ASAP2: variants seen among roughly 807,000 people sequenced by gnomAD.
ASAP2 encodes ArfGAP with SH3 domain, ankyrin repeat and PH domain 2, also known as arf-GAP with SH3 domain, ANK repeat and PH domain-containing protein 2.
ASAP2 carries 45 observed loss-of-function variants against 131.4 expected under a neutral mutation model. The observed-to-expected ratio is 0.34, with a 90% confidence interval of 0.27 to 0.44. The LOEUF is 0.44. ASAP2 is among the 20% of genes least tolerant of loss of function. ASAP2 has a pLI of 1.00. For synonymous variants in ASAP2, 510 were observed against 503.0 expected, an observed-to-expected ratio of 1.01 and a Z score of -0.19; for missense variants, 1,011 against 1,297.0, an observed-to-expected ratio of 0.78 and a Z score of 3.39.
chr2:9,270,186 G>T (rs1200450477), intron 1 of ASAP2, among the ~76,000 whole-genome samples: 1 of 152,208 alleles, frequency 6.6e-6, no homozygotes, highest in Non-Finnish European at 1.5e-5. Context: ...CAGCTGCAGT[G>T]CAGGCCCTGC....
rs193098732 is a variant in ASAP2 at position 9,279,504 on chromosome 2, G to T, written c.199+115G>T. On this transcript the variant is annotated intron_variant, in intron 2 of 27. Transcript: ENST00000281419. ...GAGCCAGCTAGACTCCTTTATCGGG[G>T]CATGCAGATCACAGAGGTGAGCTGG... 8.6e-5 allele frequency: 80 copies of T among 934,310 alleles called. No homozygotes were observed. The East Asian group carries it at 1.9e-3, about 22-fold the overall frequency. 57.9% of individuals were successfully genotyped at this position (934,310 alleles called of 1,614,324 possible).
chr2:9,226,803 T>TCATC (rs1281096673), intron 1 of ASAP2, among the ~76,000 whole-genome samples: 18 of 152,124 alleles, frequency 1.2e-4, no homozygotes, highest in Admixed American at 1.2e-3. Context: ...TGGCCTAACA[T>TCATC]CATCGGTGTG....
intron 1 of ASAP2, among the ~76,000 whole-genome samples, chr2:9,247,432 G>A (rs868378519): frequency 6.6e-6 from 1 of 152,182 alleles, no homozygotes; most frequent in Non-Finnish European, 1.5e-5. Flanking sequence ...ATAGGATATT[G>A]CCCTCATGGA....
chr2:9,361,421 T>C (rs893870656), intron 15 of ASAP2, among the ~76,000 whole-genome samples: 54 of 152,222 alleles, frequency 3.5e-4, no homozygotes, highest in African/African-American at 1.3e-3. Context: ...GTGTCGTGGC[T>C]CTAAACCTTA....
At chr2:9,276,860 G>A (rs979269955) in intron 1 of ASAP2, among the ~76,000 whole-genome samples, 28 of 152,078 alleles carry the variant, frequency 1.8e-4, no homozygotes, top group African/African-American at 6.5e-4. Context: ...TTATTCGTGA[G>A]GTGTTTTCTC....
intron 1 of ASAP2, among the ~76,000 whole-genome samples, chr2:9,247,092 C>T (rs1177737071): frequency 1.3e-5 from 2 of 152,176 alleles, no homozygotes; most frequent in Non-Finnish European, 2.9e-5. Flanking sequence ...CTGCCTTAGC[C>T]TCTAAAATGC....
In ASAP2 at chr2:9,392,374, C is replaced by T. The variant is rs1225334979; in HGVS notation, c.2519-1108C>T. On this transcript the variant is annotated intron_variant, in intron 23 of 27. Transcript: ENST00000281419. This position sits in a 1 kb window ranked among gnomAD's most constrained non-coding sequence, Gnocchi z 4.0. ...TCTCTGGGCTTCATTGCTTCCAGAG[C>T]ATGAGAATTCTAGAGCCGAGGTGCT... is the stretch of plus-strand genomic sequence containing the variant. Among the ~76,000 whole-genome samples the T allele has an allele frequency of 2.6e-5, 4 of 152,188 alleles. No individual in the cohort carries two copies. The East Asian group carries it at 7.7e-4, about 29-fold the overall frequency.
intron 3 of ASAP2, among the ~76,000 whole-genome samples, chr2:9,305,013 A>C (rs1048472918): frequency 4.9e-5 from 7 of 141,902 alleles, no homozygotes; most frequent in Non-Finnish European, 9.0e-5. Flanking sequence ...TGGGGTAAAG[A>C]TATTGGTGGA....
intron 5 of ASAP2, 36 bp from the exon 6 acceptor site, chr2:9,323,085 A>G (rs748420875): frequency 3.1e-6 from 5 of 1,613,184 alleles, no homozygotes; most frequent in African/African-American, 1.3e-5. Flanking sequence ...TTCTGTGCCA[A>G]CAGGCATCTT....
At chr2:9,397,739 TATATATATATA>T (rs1471386480) in intron 24 of ASAP2, among the ~76,000 whole-genome samples, 1 of 91,752 alleles carries the variant, frequency 1.1e-5, no homozygotes, top group African/African-American at 8.2e-5. Flanking sequence ...TATATATATA[TATATATATATA>T]TTTTTTTTTT....
chr2:9,387,223 A>AAAAAAAAAAAAC (rs1488603753), intron 21 of ASAP2, among the ~76,000 whole-genome samples: 2 of 151,584 alleles, frequency 1.3e-5, no homozygotes, highest in African/African-American at 4.9e-5. Flanking sequence ...CAAAAAAAAA[A>AAAAAAAAAAAAC]AAAACCATAT....
At chr2:9,304,264 G>C (rs1268179377) in intron 3 of ASAP2, among the ~76,000 whole-genome samples, 1 of 152,160 alleles carries the variant, frequency 6.6e-6, no homozygotes, top group African/African-American at 2.4e-5. Context: ...GTTTCTGTTT[G>C]AAAGTATTAA....
At chr2:9,237,802 A>G (rs1319782009) in intron 1 of ASAP2, among the ~76,000 whole-genome samples, 1 of 152,184 alleles carries the variant, frequency 6.6e-6, no homozygotes, top group Admixed American at 6.5e-5. Context: ...TGTATACAGT[A>G]GGTGCCCATG....
chr2:9,306,014 G>A (rs1449891836), intron 3 of ASAP2, among the ~76,000 whole-genome samples: 1 of 149,776 alleles, frequency 6.7e-6, no homozygotes, highest in Non-Finnish European at 1.5e-5. Context: ...GTAGTAGTGG[G>A]GTGGTAGATA....
At chr2:9,267,149 T>C (rs1022925808) in intron 1 of ASAP2, among the ~76,000 whole-genome samples, 1 of 152,164 alleles carries the variant, frequency 6.6e-6, no homozygotes, top group African/African-American at 2.4e-5. Context: ...TTTTAAAAAA[T>C]TCAACTTTTA....
At chr2:9,390,146 G>A (rs1225229921) in intron 22 of ASAP2, among the ~76,000 whole-genome samples, 1 of 152,112 alleles carries the variant, frequency 6.6e-6, no homozygotes. Context: ...TGCCGTTCCT[G>A]TCCCTAGCAT....
At chr2:9,278,078 A>G (rs1331295608) in intron 1 of ASAP2, among the ~76,000 whole-genome samples, 3 of 152,176 alleles carry the variant, frequency 2.0e-5, no homozygotes, top group Non-Finnish European at 2.9e-5. Flanking sequence ...TGGGGTAATA[A>G]TGGACACTCA....
At chr2:9,315,985 TAC>T (rs1247342365) in intron 3 of ASAP2, among the ~76,000 whole-genome samples, 1 of 152,208 alleles carries the variant, frequency 6.6e-6, no homozygotes, top group African/African-American at 2.4e-5. Context: ...GACGTTATTA[TAC>T]ACCTTACCAG....
chr2:9,301,820 CTTTTTTTT>C (rs1177064910), intron 3 of ASAP2, among the ~76,000 whole-genome samples: 1 of 115,410 alleles, frequency 8.7e-6, no homozygotes, highest in East Asian at 2.3e-4. Flanking sequence ...TATCCATCAT[CTTTTTTTT>C]TTTTTTTTTT....
Sources: gnomAD v4.1 joint callset for allele counts (sites outside exome capture counted in the v4.1 genomes callset) on GRCh38, gnomAD v4.1.1 for gene constraint, Gnocchi (gnomAD v3.1) non-coding constraint, MANE v1.5 for transcripts, NCBI Gene and HGNC (gene_info 2026-07-23, HGNC 2026-07-21) for gene names.